Variants in HSPA4L observed in about 807,000 individuals in gnomAD.
HSPA4L encodes heat shock protein family A (Hsp70) member 4 like.
A neutral mutation model predicts 100.3 loss-of-function variants in HSPA4L; 48 were observed. The observed-to-expected ratio is 0.48, with a 90% CI of 0.38 to 0.61. The LOEUF (loss-of-function observed/expected upper bound fraction) is 0.61, where lower values mean the gene tolerates loss of function less well. Among genes scored for constraint, HSPA4L ranks in the 20% least tolerant of loss-of-function variants. The pLI, the probability that HSPA4L is intolerant of heterozygous loss-of-function variation, is 0.00. For synonymous variants in HSPA4L, 319 were observed against 328.2 expected, an observed-to-expected ratio of 0.97 and a Z score of 0.30; for missense variants, 886 against 988.6, an observed-to-expected ratio of 0.90 and a Z score of 1.39.
Position 127,836,694 on chromosome 4 carries a change from C to T in HSPA4L, c.*3820C>T, listed in dbSNP as rs1304580994. 2 of 151,958 alleles carry T rather than the reference C, an allele frequency of 1.3e-5. No homozygotes were observed. The highest frequency in any genetic ancestry group is 1.5e-5 in the Non-Finnish European group (1 of 67,996). 9.4% of individuals were successfully genotyped at this position (151,958 alleles called of 1,614,324 possible). On this transcript the variant is annotated 3_prime_UTR_variant, in exon 19 of 19. Coordinates refer to ENST00000296464, the MANE Select transcript of HSPA4L (RefSeq NM_014278.4). ...ATCTATATTTATTAAAGGTAGTAGA[C>T]ATTTGAATATAGTAATCAAATTAAC...
At position 127,839,168 on chromosome 4, in the gene HSPA4L, TTATG is replaced by T. The variant is rs1238286609; in HGVS notation, c.*6300_*6303del. On this transcript the variant is annotated 3_prime_UTR_variant, in exon 19 of 19. Coordinates refer to ENST00000296464, the MANE Select transcript of HSPA4L (RefSeq NM_014278.4). The stretch of plus-strand genomic sequence containing the variant: ...CCTTTGATTCTTTGCTGCTCTCTGG[TTATG>T]TATGTGTGTTGTGCATCTTCCTTGT... 1 of 152,162 alleles carries T rather than the reference TTATG, an allele frequency of 6.6e-6. No individual in the cohort carries two copies. The highest frequency in any genetic ancestry group is 2.4e-5 in the African/African-American group (1 of 41,424). 9.4% of individuals were successfully genotyped at this position (152,162 alleles called of 1,614,324 possible). A position where few individuals can be genotyped will look rare whatever the true frequency, so the allele number is the denominator to read the frequency against.
In HSPA4L at chr4:127,833,813, T is replaced by G. The variant is rs1306224762; in HGVS notation, c.*939T>G. The stretch of plus-strand genomic sequence containing the variant: ...GTATTGCATTATATACATTTATCAT[T>G]GATTTACCTAATGTTACCTTGTAGA... On this transcript the variant is annotated 3_prime_UTR_variant, in exon 19 of 19. Transcript: ENST00000296464. 2 of 152,212 alleles carry G rather than the reference T, an allele frequency of 1.3e-5. No individual in the cohort carries two copies. The highest frequency in any genetic ancestry group is 2.9e-5 in the Non-Finnish European group (2 of 68,010). The allele number at this position is 152,212 out of a possible 1,614,324, so 9.4% of individuals were successfully genotyped here. A position where few individuals can be genotyped will look rare whatever the true frequency, so the allele number is the denominator to read the frequency against.
At position 127,782,510 on chromosome 4, in the gene HSPA4L, C is replaced by A; in HGVS notation, c.-41C>A. The A allele has an allele frequency of 6.6e-7, 1 of 1,505,520 alleles. No homozygotes were observed. The highest frequency in any genetic ancestry group is 9.2e-7 in the Non-Finnish European group (1 of 1,081,524). The allele number at this position is 1,505,520 out of a possible 1,614,324, so 93.3% of individuals were successfully genotyped here. ...CCAGAAGAGGACACGGTTCCCGTAC[C>A]GAAGGGTTCAGTACCAGCAGCCCGA... is the stretch of plus-strand genomic sequence containing the variant. On this transcript the variant is annotated 5_prime_UTR_variant, in exon 1 of 19. Coordinates refer to ENST00000296464, the MANE Select transcript of HSPA4L (RefSeq NM_014278.4).
chr4:127,787,197 A>G lies in HSPA4L; in HGVS notation c.107+4540A>G, dbSNP rs79924092. 5.0e-3 allele frequency among the ~76,000 whole-genome samples: 756 copies of G among 152,360 alleles called. 9 individuals carry two copies. Among genetic ancestry groups the G allele is most frequent in the African/African-American group, 0.017 (723 of 41,580 alleles). On this transcript the variant is annotated intron_variant, in intron 1 of 18. Coordinates refer to ENST00000296464, the MANE Select transcript of HSPA4L (RefSeq NM_014278.4). Reference sequence around the variant, plus strand: ...GTGAGACCCCTCTTAAATGCATGAAAATAGAAATCACTTTGGTGCACTGAA... The same window carrying G: ...GTGAGACCCCTCTTAAATGCATGAAGATAGAAATCACTTTGGTGCACTGAA...
At chr4:127,792,852 G>A (rs1186137041) in intron 1 of HSPA4L, among the ~76,000 whole-genome samples, 2 of 152,198 alleles carry the variant, frequency 1.3e-5, no homozygotes, top group Non-Finnish European at 2.9e-5. Context: ...GCAGAGACCT[G>A]AAAGGAGTGA....
chr4:127,805,717 C>A lies in HSPA4L; in HGVS notation c.1168C>A (p.Arg390Ser), dbSNP rs139673474. 1 of 1,612,268 alleles carries A rather than the reference C, an allele frequency of 6.2e-7. No homozygotes were observed. The highest frequency in any genetic ancestry group is 8.5e-7 in the Non-Finnish European group (1 of 1,178,862). ...GATTCTCTCACCAGCATTTAAAGTGCGTGAATTTTCCATAACAGACCTTGT... is the reference window on the plus strand; with the variant it reads ...GATTCTCTCACCAGCATTTAAAGTGAGTGAATTTTCCATAACAGACCTTGT... ...CAILSPAFKV[R>S]EFSITDLVPY... Residue 390 changes from arginine to serine, a missense_variant, in exon 10 of 19, where the codon CGT becomes AGT. Arg to Ser is a moderately radical substitution (Grantham distance 110, BLOSUM62 -1). Coordinates refer to ENST00000296464, the MANE Select transcript of HSPA4L (RefSeq NM_014278.4).
chr4:127,832,894 A>G lies in HSPA4L; in HGVS notation c.*20A>G. 1 of 1,572,384 alleles carries G rather than the reference A, an allele frequency of 6.4e-7. No individual in the cohort carries two copies. Reference sequence around the variant, plus strand: ...GACTAAGTCTTAATTTTACCTTCACATTAATTCAAACCGTGCAAGTAACCA... The same window carrying G: ...GACTAAGTCTTAATTTTACCTTCACGTTAATTCAAACCGTGCAAGTAACCA... On this transcript the variant is annotated 3_prime_UTR_variant, in exon 19 of 19. Transcript: ENST00000296464.
Position 127,808,027 on chromosome 4 carries a change from G to T in HSPA4L, c.1276G>T (p.Ala426Ser). ...TGAAGTTTTCTGTAAGAACCATCCT[G>T]CCCCATTCTCAAAAGTCATTACTTT... Reference protein sequence around the residue: ...ECEVFCKNHPAPFSKVITFHK... With the variant: ...ECEVFCKNHPSPFSKVITFHK... The change falls in exon 11 of 19, where the codon GCC (alanine) becomes TCC (serine). Residue 426 changes from alanine to serine, a missense_variant. Physicochemically the swap from Ala to Ser is moderately conservative, Grantham distance 99 (BLOSUM62 1). Transcript: ENST00000296464. The T allele has an allele frequency of 6.2e-7, 1 of 1,612,460 alleles. No individual in the cohort carries two copies. Among genetic ancestry groups the T allele is most frequent in the Non-Finnish European group, 8.5e-7 (1 of 1,179,270 alleles).
Position 127,815,810 on chromosome 4 carries a change from A to G in HSPA4L, c.1579-2515A>G, listed in dbSNP as rs191450216. On this transcript the variant is annotated intron_variant, in intron 12 of 18. Transcript: ENST00000296464. ...TAGCATATAAATATAAAGGAAGTTA[A>G]TGGGGATGCATAGTGGGAATTATGT... Among the ~76,000 whole-genome samples, 11 of 152,324 alleles carry G rather than the reference A, an allele frequency of 7.2e-5. No individual in the cohort carries two copies. In the East Asian group the frequency reaches 2.1e-3, roughly 29 times the overall value.
intron 3 of HSPA4L, 97 bp downstream of exon 3, chr4:127,796,005 A>T: frequency 9.3e-7 from 1 of 1,073,160 alleles, no homozygotes; most frequent in Admixed American, 2.2e-5. Flanking sequence ...TTTCCTCTAG[A>T]TACAGTACAT....
intron 10 of HSPA4L, 35 bp from the exon 11 acceptor site, chr4:127,807,961 T>C (rs759362167): frequency 2.5e-6 from 4 of 1,584,512 alleles, no homozygotes; most frequent in Non-Finnish European, 3.4e-6. Context: ...CAACTTTCTA[T>C]TTGTTTCTAA....
Position 127,834,245 on chromosome 4 carries a change from T to TC in HSPA4L, c.*1372dup, listed in dbSNP as rs1734155643. 1 of 152,160 alleles carries TC rather than the reference T, an allele frequency of 6.6e-6. No individual in the cohort carries two copies. The highest frequency in any genetic ancestry group is 6.5e-5 in the Admixed American group (1 of 15,274). 9.4% of individuals were successfully genotyped at this position (152,160 alleles called of 1,614,324 possible). On this transcript the variant is annotated 3_prime_UTR_variant, in exon 19 of 19. Coordinates refer to ENST00000296464, the MANE Select transcript of HSPA4L (RefSeq NM_014278.4). ...TGAGCCCTTATGTCCTTAATGCCAATCAACTAGATTGACCTAGGTTAAAAT... is the reference window on the plus strand; with the variant it reads ...TGAGCCCTTATGTCCTTAATGCCAATCCAACTAGATTGACCTAGGTTAAAAT...
At chr4:127,809,318 T>A in intron 11 of HSPA4L, 2 of 1,185,266 alleles carry the variant, frequency 1.7e-6, no homozygotes, top group South Asian at 2.4e-5. Context: ...CCTGTCTTAA[T>A]AAGGACTTCT....
chr4:127,822,524 TA>T (rs1733839598), intron 14 of HSPA4L, among the ~76,000 whole-genome samples: 1 of 152,188 alleles, frequency 6.6e-6, no homozygotes, highest in African/African-American at 2.4e-5. Flanking sequence ...TGGGTGTATC[TA>T]GGAGTGAAAT....
At chr4:127,801,103 A>T (rs754777983) in intron 4 of HSPA4L, 35 bp from the exon 5 acceptor site, 1 of 1,481,500 alleles carries the variant, frequency 6.7e-7, no homozygotes, top group Admixed American at 1.9e-5. Flanking sequence ...TGTTTACATA[A>T]AACATTATAC....
Position 127,805,680 on chromosome 4 carries a change from T to C in HSPA4L, c.1138-7T>C, listed in dbSNP as rs150334200. ...TGATTTAAATATGGTATACATCTTA[T>C]TTTCAGTGTGCGATTCTCTCACCAG... On this transcript the variant is annotated splice_region_variant and splice_polypyrimidine_tract_variant and intron_variant, in intron 9 of 18. Coordinates refer to ENST00000296464, the MANE Select transcript of HSPA4L (RefSeq NM_014278.4). 4.5e-4 allele frequency: 715 copies of C among 1,600,744 alleles called. 2 individuals carry two copies. In the African/African-American group the frequency reaches 8.6e-3, roughly 19 times the overall value.
At chr4:127,796,047 AT>A in intron 3 of HSPA4L, 139 bp downstream of exon 3, 1 of 658,038 alleles carries the variant, frequency 1.5e-6, no homozygotes, top group Non-Finnish European at 2.5e-6. Flanking sequence ...TTTTGTAATA[AT>A]TTTAGTGAAT....
At chr4:127,829,637 C>T (rs1734030582) in intron 17 of HSPA4L, among the ~76,000 whole-genome samples, 1 of 151,942 alleles carries the variant, frequency 6.6e-6, no homozygotes, top group African/African-American at 2.4e-5. Flanking sequence ...TTTCCATTTG[C>T]TGAGATGAGG....
At position 127,803,999 on chromosome 4, in the gene HSPA4L, A is replaced by G. The variant is rs201021151; in HGVS notation, c.909-12A>G. On this transcript the variant is annotated splice_polypyrimidine_tract_variant and intron_variant, in intron 7 of 18. Transcript: ENST00000296464. ...ATCCCAGAATAATGAATTTTATTCT[A>G]TTTTCTCACAGGGCTCAATTTGAAC... 1.0e-4 allele frequency: 166 copies of G among 1,613,524 alleles called. No individual in the cohort carries two copies. The highest frequency in any genetic ancestry group is 4.0e-4 in the African/African-American group (30 of 74,994).
Sources: allele counts gnomAD v4.1 joint callset (sites outside exome capture counted in the v4.1 genomes callset), GRCh38; gene constraint gnomAD v4.1.1; transcripts MANE v1.5; gene names NCBI Gene and HGNC (gene_info 2026-07-23, HGNC 2026-07-21).